Variants in DLGAP1 observed in about 807,000 individuals in gnomAD.
DLGAP1 encodes DLG associated protein 1, also known as disks large-associated protein 1.
Under a neutral mutation model 90.8 loss-of-function variants are expected in DLGAP1, and 11 were observed. That is an observed-to-expected ratio of 0.12 (90% CI 0.08 to 0.20). The LOEUF is 0.20. DLGAP1 is among the 10% of genes least tolerant of loss of function. The pLI is 1.00. For missense variants in DLGAP1, 1,050 were observed against 1,333.8 expected (o/e 0.79, Z 3.31); for synonymous variants, 558 against 540.7 (o/e 1.03, Z -0.44).
intron 5 of DLGAP1, among the ~76,000 whole-genome samples, chr18:3,787,830 C>T (rs112234280): frequency 4.1e-4 from 63 of 152,312 alleles, no homozygotes; most frequent in African/African-American, 1.5e-3. Flanking sequence ...GCCCCAAGCT[C>T]TTATCCTCTG....
chr18:3,904,472 A>T (rs1484368409), intron 3 of DLGAP1, among the ~76,000 whole-genome samples: 2 of 152,248 alleles, frequency 1.3e-5, no homozygotes, highest in Non-Finnish European at 2.9e-5. Context: ...GGGTTAAGCC[A>T]AGACAAAATG....
chr18:4,289,446 G>C lies in DLGAP1; in HGVS notation c.-266-138159C>G, dbSNP rs76248239. ...CAGAAAAATAAAACATGATGAAAGT[G>C]CTGCTGAAAATATGGTCAAAATCAC... is the stretch of plus-strand genomic sequence containing the variant. On this transcript the variant is annotated intron_variant, in intron 1 of 12. Coordinates refer to ENST00000315677, the MANE Select transcript of DLGAP1 (RefSeq NM_004746.4). Among the ~76,000 whole-genome samples the C allele has an allele frequency of 7.9e-5, 12 of 152,262 alleles. No individual in the cohort carries two copies. The East Asian group carries it at 2.3e-3, about 29-fold the overall frequency.
At chr18:4,010,986 A>G (rs2074407632) in intron 2 of DLGAP1, among the ~76,000 whole-genome samples, 1 of 151,458 alleles carries the variant, frequency 6.6e-6, no homozygotes, top group Admixed American at 6.6e-5. Flanking sequence ...GACCAGCCCG[A>G]CTAACATGGT....
intron 3 of DLGAP1, among the ~76,000 whole-genome samples, chr18:4,002,668 A>AT (rs2074217945): frequency 6.6e-6 from 1 of 152,174 alleles, no homozygotes; most frequent in South Asian, 2.1e-4. Context: ...TCAATAGTAG[A>AT]TTATTAGTAG....
At chr18:3,944,637 C>A (rs1055385407) in intron 3 of DLGAP1, among the ~76,000 whole-genome samples, 16 of 152,242 alleles carry the variant, frequency 1.1e-4, no homozygotes, top group African/African-American at 3.9e-4. Flanking sequence ...ACAGATACCG[C>A]TTCTAGGAAC....
chr18:3,983,932 G>A (rs1338246030), intron 3 of DLGAP1: 1 of 152,144 alleles, frequency 6.6e-6, no homozygotes, highest in East Asian at 1.9e-4. Context: ...ACTGCAACTT[G>A]TGGTAGAGGT....
chr18:4,384,116 A>G (rs1454164780), intron 1 of DLGAP1, among the ~76,000 whole-genome samples: 2 of 152,164 alleles, frequency 1.3e-5, no homozygotes, highest in African/African-American at 4.8e-5. Context: ...AGAATTGAAG[A>G]TATTATTCAA....
intron 4 of DLGAP1, among the ~76,000 whole-genome samples, chr18:3,863,249 T>C (rs1424075949): frequency 6.6e-6 from 1 of 152,196 alleles, no homozygotes; most frequent in Non-Finnish European, 1.5e-5. Context: ...ACTACCTGAT[T>C]TAAAAGGAAC....
chr18:4,305,098 G>GTTTT (rs2080217359), intron 1 of DLGAP1, among the ~76,000 whole-genome samples: 1 of 152,030 alleles, frequency 6.6e-6, no homozygotes, highest in African/African-American at 2.4e-5. Flanking sequence ...CCTATCATGT[G>GTTTT]CCAGGACCTG....
chr18:3,733,658 T>C (rs1189279521), intron 6 of DLGAP1, among the ~76,000 whole-genome samples: 2 of 152,226 alleles, frequency 1.3e-5, no homozygotes, highest in African/African-American at 2.4e-5. Context: ...GTAGTTCTTA[T>C]GTCTGGTCAT....
At chr18:4,322,538 A>G (rs984195930) in intron 1 of DLGAP1, among the ~76,000 whole-genome samples, 1 of 152,202 alleles carries the variant, frequency 6.6e-6, no homozygotes, top group African/African-American at 2.4e-5. Flanking sequence ...AAATTGTAGA[A>G]CTGCTAGAAG....
At chr18:4,412,364 G>A (rs1385925324) in intron 1 of DLGAP1, among the ~76,000 whole-genome samples, 1 of 152,168 alleles carries the variant, frequency 6.6e-6, no homozygotes, top group Non-Finnish European at 1.5e-5. Flanking sequence ...TGATGCAGAG[G>A]GCTCTGCCTT....
chr18:3,772,300 T>C (rs2064633927), intron 5 of DLGAP1, among the ~76,000 whole-genome samples: 1 of 140,948 alleles, frequency 7.1e-6, no homozygotes, highest in Non-Finnish European at 1.5e-5. Context: ...TCCTTTTCTT[T>C]CTTTCTCTCC....
At chr18:3,938,032 A>T (rs891036443) in intron 3 of DLGAP1, among the ~76,000 whole-genome samples, 1 of 152,238 alleles carries the variant, frequency 6.6e-6, no homozygotes. Context: ...TCTAGCATCT[A>T]ATCTCACAGT....
intron 7 of DLGAP1, chr18:3,655,739 A>C (rs1701697027): frequency 8.3e-6 from 2 of 241,980 alleles, no homozygotes; most frequent in Non-Finnish European, 1.6e-5. Context: ...GGCTCTGCTG[A>C]AAGATCCAGG....
intron 4 of DLGAP1, among the ~76,000 whole-genome samples, chr18:3,861,212 G>A (rs1405581481): frequency 6.6e-6 from 1 of 152,116 alleles, no homozygotes; most frequent in East Asian, 1.9e-4. Context: ...CATTGTTATA[G>A]GAGCTCCAAA....
chr18:3,707,425 C>A (rs1210540506), intron 7 of DLGAP1, among the ~76,000 whole-genome samples: 2 of 151,876 alleles, frequency 1.3e-5, no homozygotes, highest in East Asian at 1.9e-4. Flanking sequence ...TGGTGAAAAC[C>A]CATCTCTACT....
At chr18:4,353,874 A>G (rs1405353645) in intron 1 of DLGAP1, among the ~76,000 whole-genome samples, 2 of 152,144 alleles carry the variant, frequency 1.3e-5, no homozygotes, top group Non-Finnish European at 2.9e-5. Context: ...AAAAATCAAT[A>G]GCCAAACAAA....
chr18:3,742,215 G>A, intron 6 of DLGAP1, 120 bp downstream of exon 6: 1 of 1,261,352 alleles, frequency 7.9e-7, no homozygotes, highest in Non-Finnish European at 1.1e-6. Flanking sequence ...TGGACCTCCT[G>A]TCTGATCCAT....
Sources: allele counts gnomAD v4.1 joint callset (sites outside exome capture counted in the v4.1 genomes callset), GRCh38; gene constraint gnomAD v4.1.1; transcripts MANE v1.5; gene names NCBI Gene and HGNC (gene_info 2026-07-23, HGNC 2026-07-21).